Variants in BBS2 observed in about 807,000 individuals in gnomAD.
BBS2 encodes BBSome complex member BBS2.
In BBS2, 62 loss-of-function variants were observed where a neutral mutation model predicts 83.0. The ratio of observed to expected loss-of-function variants is 0.75; its 90% CI spans 0.61 to 0.92. The LOEUF (loss-of-function observed/expected upper bound fraction) is 0.92. Among genes scored for constraint, BBS2 ranks in the 40% least tolerant of loss-of-function variants. The pLI is 0.00. For synonymous variants in BBS2, 303 were observed against 326.1 expected, an observed-to-expected ratio of 0.93 and a Z score of 0.76; for missense variants, 784 against 901.0, an observed-to-expected ratio of 0.87 and a Z score of 1.66.
chr16:56,498,742 A>C lies in BBS2; in HGVS notation c.1528-174T>G, dbSNP rs1445118759. 2.7e-6 allele frequency: 4 copies of C among 1,500,726 alleles called. No homozygotes were observed. In the African/African-American group the frequency reaches 4.2e-5, roughly 16 times the overall value. 93.0% of individuals were successfully genotyped at this position (1,500,726 alleles called of 1,614,324 possible). ...AAGAATTATACTTCATCCCACACCA[A>C]GAAAATACTAAAACACTAGTCACAT... On this transcript the variant is annotated intron_variant, in intron 12 of 16. Transcript: ENST00000245157.
chr16:56,513,682 G>A (rs528358908), intron 2 of BBS2, among the ~76,000 whole-genome samples: 1 of 152,172 alleles, frequency 6.6e-6, no homozygotes, highest in African/African-American at 2.4e-5. Flanking sequence ...GGTTGCCTAA[G>A]GTTAGGAGGT....
At chr16:56,500,661 C>G in intron 11 of BBS2, 193 bp downstream of exon 11, 3 of 504,648 alleles carry the variant, frequency 5.9e-6, no homozygotes, top group Non-Finnish European at 1.1e-5. Context: ...CTTAAACTTA[C>G]ATATCAGTTT....
chr16:56,514,503 T>C lies in BBS2; in HGVS notation c.295A>G (p.Asn99Asp). Residue 99 changes from asparagine to aspartate, a missense_variant, in exon 2 of 17, where the codon AAT becomes GAT. Coordinates refer to ENST00000245157, the MANE Select transcript of BBS2 (RefSeq NM_031885.5). The stretch of plus-strand genomic sequence containing the variant: ...TTGTAGACATCATAAGCCAAAAGAT[T>C]AGTCTGTGTCCCCACTAAAAGGGCA... ...YDALLVGTQT[N>D]LLAYDVYNNS... 7.4e-6 allele frequency: 12 copies of C among 1,614,154 alleles called. No homozygotes were observed. Among genetic ancestry groups the C allele is most frequent in the Non-Finnish European group, 9.3e-6 (11 of 1,180,006 alleles).
intron 1 of BBS2, among the ~76,000 whole-genome samples, chr16:56,519,358 A>C (rs1174784450): frequency 6.6e-6 from 1 of 150,796 alleles, no homozygotes; most frequent in Non-Finnish European, 1.5e-5. Flanking sequence ...AAGGAAGAAG[A>C]AGCAGTGTTA....
At position 56,502,714 on chromosome 16, in the gene BBS2, T is replaced by A. The variant is rs202230193; in HGVS notation, c.899A>T (p.Asp300Val). 6.2e-7 allele frequency: 1 copy of A among 1,614,182 alleles called. No individual in the cohort carries two copies. The highest frequency in any genetic ancestry group is 1.1e-5 in the South Asian group (1 of 91,078). Residue 300 changes from aspartate to valine, a missense_variant, in exon 8 of 17, where the codon GAT (aspartate) becomes GTT (valine). Physicochemically the swap from Asp to Val is radical, Grantham distance 152. Transcript: ENST00000245157. Reference sequence around the variant, plus strand: ...GCAGCAGATTAACTGTATGTGGCCATCCATCCGGTAATCTCCCTCTACCAC... The same window carrying A: ...GCAGCAGATTAACTGTATGTGGCCAACCATCCGGTAATCTCCCTCTACCAC... Reference protein sequence around the residue: ...AGVVEGDYRMDGHIQLICCSV... With the variant: ...AGVVEGDYRMVGHIQLICCSV...
chr16:56,502,913 T>C, intron 7 of BBS2, 105 bp from the exon 8 acceptor site: 13 of 1,376,340 alleles, frequency 9.4e-6, no homozygotes, highest in Middle Eastern at 2.0e-4. Flanking sequence ...CTAGCAGTTT[T>C]CAAGAGTATT....
downstream of BBS2, among the ~76,000 whole-genome samples, chr16:56,483,659 CCA>C: frequency 6.6e-6 from 1 of 152,156 alleles, no homozygotes; most frequent in Admixed American, 6.5e-5. Context: ...TTGTTTGCAC[CCA>C]TCTTTCAGTG....
chr16:56,505,936 C>G lies in BBS2; in HGVS notation c.804+14G>C. The G allele has an allele frequency of 6.3e-7, 1 of 1,597,572 alleles. No homozygotes were observed. The highest frequency in any genetic ancestry group is 1.3e-5 in the African/African-American group (1 of 74,736). ...TACTCTGAATTATACCTGAACTTTG[C>G]TATTCAAACTTACCTTCCCATTGGA... On this transcript the variant is annotated intron_variant, in intron 7 of 16. Transcript: ENST00000245157.
chr16:56,481,607 A>G (rs1293779528), downstream of BBS2, among the ~76,000 whole-genome samples: 3 of 152,212 alleles, frequency 2.0e-5, no homozygotes, highest in African/African-American at 4.8e-5. Flanking sequence ...TAAAGCTTCA[A>G]TGTAATTCAG....
chr16:56,511,065 T>C (rs564022485), intron 3 of BBS2, 94 bp downstream of exon 3: 17 of 1,579,642 alleles, frequency 1.1e-5, no homozygotes, highest in Non-Finnish European at 1.5e-5. Context: ...CACAGAATTA[T>C]AAATATTATT....
At chr16:56,495,804 A>G (rs529516448) in intron 15 of BBS2, among the ~76,000 whole-genome samples, 4 of 151,648 alleles carry the variant, frequency 2.6e-5, no homozygotes, top group African/African-American at 9.7e-5. Context: ...ATATATGTAT[A>G]TATATATATA....
rs1555521854 is a variant in BBS2, at chr16:56,500,790, A to C, written c.1397+64T>G. The C allele has an allele frequency of 1.1e-5, 18 of 1,570,238 alleles. No homozygotes were observed. In the South Asian group the frequency reaches 2.0e-4, roughly 18 times the overall value. On this transcript the variant is annotated intron_variant, in intron 11 of 16. Transcript: ENST00000245157. ...CAAGAATCCACTGGGCATATGGAAA[A>C]TTTATACATCTTGCCCTCCTCTAAG... is the stretch of plus-strand genomic sequence containing the variant.
At chr16:56,510,367 A>G (rs1212869176) in intron 4 of BBS2, among the ~76,000 whole-genome samples, 1 of 152,214 alleles carries the variant, frequency 6.6e-6, no homozygotes, top group African/African-American at 2.4e-5. Flanking sequence ...ACCAGAGTCC[A>G]GTGTCCATGG....
At chr16:56,503,958 C>T (rs1288473702) in intron 7 of BBS2, among the ~76,000 whole-genome samples, 2 of 151,636 alleles carry the variant, frequency 1.3e-5, no homozygotes, top group African/African-American at 4.8e-5. Flanking sequence ...CAGGCAAGGA[C>T]ACAGGTATTA....
In BBS2 at chr16:56,506,258, T is replaced by C. The variant is rs545436830; in HGVS notation, c.613-34A>G. 4 of 1,491,378 alleles carry C rather than the reference T, an allele frequency of 2.7e-6. No individual in the cohort carries two copies. In the African/African-American group the frequency reaches 5.5e-5, roughly 21 times the overall value. 92.4% of individuals were successfully genotyped at this position (1,491,378 alleles called of 1,614,324 possible). A position where few individuals can be genotyped will look rare whatever the true frequency, so the allele number is the denominator to read the frequency against. ...CAATCCACAAAAACACAACATCTTT[T>C]CATTAAGACTCAGTTTACTGTCAAG... On this transcript the variant is annotated intron_variant, in intron 5 of 16. Transcript: ENST00000245157.
chr16:56,501,371 G>C lies in BBS2; in HGVS notation c.1207C>G (p.Arg403Gly). 1 of 1,614,010 alleles carries C rather than the reference G, an allele frequency of 6.2e-7. No individual in the cohort carries two copies. The highest frequency in any genetic ancestry group is 8.5e-7 in the Non-Finnish European group (1 of 1,180,006). The change falls in exon 10 of 17, where the codon CGC becomes GGC. Residue 403 changes from arginine to glycine, a missense_variant. Arg to Gly is a moderately radical substitution (Grantham distance 125). Coordinates refer to ENST00000245157, the MANE Select transcript of BBS2 (RefSeq NM_031885.5). ...NETQTAHTEL[R>G]ISTSNDTIIR... ...GTCTTACCATTAGAAGTGGAAATGC[G>C]TAATTCTGTATGAGCAGTTTGGGTC... is the stretch of plus-strand genomic sequence containing the variant.
intron 1 of BBS2, among the ~76,000 whole-genome samples, chr16:56,518,431 A>G (rs1340173999): frequency 2.6e-5 from 4 of 152,246 alleles, no homozygotes; most frequent in Non-Finnish European, 4.4e-5. Flanking sequence ...AGTGAGAACC[A>G]TAAAAAGAAA....
At chr16:56,488,300 T>C (rs1165840470) in intron 15 of BBS2, among the ~76,000 whole-genome samples, 1 of 152,082 alleles carries the variant, frequency 6.6e-6, no homozygotes, top group Non-Finnish European at 1.5e-5. Flanking sequence ...ATCTCACAGA[T>C]TAAGGGCTCA....
intron 11 of BBS2, chr16:56,500,438 C>T: frequency 4.0e-6 from 1 of 247,788 alleles, no homozygotes; most frequent in Non-Finnish European, 7.9e-6. Context: ...CCAGCCTGGC[C>T]AACATGGTGA....
Sources: allele counts gnomAD v4.1 joint callset (sites outside exome capture counted in the v4.1 genomes callset), GRCh38; gene constraint gnomAD v4.1.1; transcripts MANE v1.5; gene names NCBI Gene and HGNC (gene_info 2026-07-23, HGNC 2026-07-21).